Variants in MCPH1 observed in about 807,000 individuals in gnomAD.
MCPH1 encodes the protein microcephalin.
MCPH1 carries 104 observed loss-of-function variants against 84.5 expected under a neutral mutation model. That is an observed-to-expected ratio of 1.23 (90% CI 1.05 to 1.45). The LOEUF is 1.45. Among genes scored for constraint, MCPH1 ranks in the 40% most tolerant of loss-of-function variants. The pLI is 0.00. For missense variants in MCPH1, 1,498 were observed against 1,005.7 expected (o/e 1.49, Z -6.62); for synonymous variants, 514 against 366.8 (o/e 1.40, Z -4.58).
At chr8:6,430,554 C>T (rs571564910) in intron 3 of MCPH1, among the ~76,000 whole-genome samples, 20 of 152,296 alleles carry the variant, frequency 1.3e-4, no homozygotes, top group African/African-American at 4.6e-4. Context: ...CTGAAACTTC[C>T]TTTATTCCTA....
chr8:6,646,349 A>G lies in MCPH1; in HGVS notation c.*3300A>G, dbSNP rs7838511. On this transcript the variant is annotated 3_prime_UTR_variant, in exon 14 of 14. Transcript: ENST00000344683. ...GCTGAAGCAGAATAGCTTGAACCCA[A>G]GAGAGTCCAGCTCAAAAACAACAAC... 0.17 allele frequency: 26,476 copies of G among 152,208 alleles called. 2,655 individuals carry two copies. Among genetic ancestry groups the G allele is most frequent in the Non-Finnish European group, 0.23 (15,682 of 68,004 alleles). 9.4% of individuals were successfully genotyped at this position (152,208 alleles called of 1,614,324 possible).
intron 3 of MCPH1, among the ~76,000 whole-genome samples, chr8:6,418,591 AT>A (rs1295891584): frequency 2.0e-5 from 3 of 149,036 alleles, no homozygotes; most frequent in African/African-American, 2.5e-5. Flanking sequence ...TTATTTTATC[AT>A]TTTTTTTTTG....
At chr8:6,464,081 A>G (rs1806575477) in intron 9 of MCPH1, among the ~76,000 whole-genome samples, 1 of 152,214 alleles carries the variant, frequency 6.6e-6, no homozygotes, top group South Asian at 2.1e-4. Flanking sequence ...GTAAATATCC[A>G]TGTAAATCAT....
intron 4 of MCPH1, among the ~76,000 whole-genome samples, chr8:6,433,997 T>G (rs1404459760): frequency 2.0e-5 from 3 of 152,106 alleles, no homozygotes; most frequent in Non-Finnish European, 4.4e-5. Context: ...CCCAAAATCC[T>G]TACACATGAC....
intron 12 of MCPH1, among the ~76,000 whole-genome samples, chr8:6,504,936 T>C (rs931549421): frequency 1.3e-5 from 2 of 151,998 alleles, no homozygotes; most frequent in Non-Finnish European, 2.9e-5. Flanking sequence ...TGATTTTACA[T>C]ATGTTAAACT....
chr8:6,607,638 C>A, intron 12 of MCPH1, among the ~76,000 whole-genome samples: 1 of 152,210 alleles, frequency 6.6e-6, no homozygotes, highest in East Asian at 1.9e-4. Flanking sequence ...GGGAGATAAT[C>A]GAATCATGGG....
At chr8:6,537,655 A>G (rs1011214957) in intron 12 of MCPH1, among the ~76,000 whole-genome samples, 4 of 152,060 alleles carry the variant, frequency 2.6e-5, no homozygotes, top group African/African-American at 9.7e-5. Context: ...TTGACAGGAA[A>G]AATAGGTCCA....
intron 12 of MCPH1, among the ~76,000 whole-genome samples, chr8:6,567,689 G>A (rs1826312859): frequency 1.3e-5 from 2 of 152,158 alleles, no homozygotes; most frequent in Admixed American, 1.3e-4. Flanking sequence ...TGCAAAGCCT[G>A]GAGTTGTGGG....
At chr8:6,437,212 C>G (rs1802780029) in intron 5 of MCPH1, among the ~76,000 whole-genome samples, 1 of 151,960 alleles carries the variant, frequency 6.6e-6, no homozygotes, top group African/African-American at 2.4e-5. Context: ...TGAAATTATT[C>G]AAATAGAATT....
intron 11 of MCPH1, chr8:6,494,458 C>T (rs1281362059): frequency 6.6e-6 from 1 of 152,122 alleles, no homozygotes; most frequent in Non-Finnish European, 1.5e-5. Context: ...GCTGTGTAAC[C>T]TTGGGTAAGG....
At chr8:6,452,640 G>A (rs1394655264) in intron 8 of MCPH1, among the ~76,000 whole-genome samples, 1 of 152,244 alleles carries the variant, frequency 6.6e-6, no homozygotes, top group African/African-American at 2.4e-5. Context: ...AGGTCTTGAA[G>A]ATGGGGGCTT....
At chr8:6,563,009 G>A (rs1250200925) in intron 12 of MCPH1, 3 of 1,481,420 alleles carry the variant, frequency 2.0e-6, no homozygotes, top group African/African-American at 1.4e-5. Context: ...AGCTGCTGCC[G>A]TCTAAAACGC....
At chr8:6,537,198 C>A (rs1217123844) in intron 12 of MCPH1, among the ~76,000 whole-genome samples, 1 of 152,118 alleles carries the variant, frequency 6.6e-6, no homozygotes, top group African/African-American at 2.4e-5. Context: ...GAATGTTTGC[C>A]ATCGCCTTCA....
intron 12 of MCPH1, among the ~76,000 whole-genome samples, chr8:6,585,268 G>T (rs892552546): frequency 6.6e-6 from 1 of 152,228 alleles, no homozygotes; most frequent in African/African-American, 2.4e-5. Context: ...GACACCACAA[G>T]CATATTACAC....
At chr8:6,446,859 G>A (rs1353321328) in intron 8 of MCPH1, 1 of 985,030 alleles carries the variant, frequency 1.0e-6, no homozygotes, top group East Asian at 1.1e-4. Context: ...AAGCAGGTGT[G>A]TTATGTTCTA....
At chr8:6,423,482 T>A (rs1800573622) in intron 3 of MCPH1, among the ~76,000 whole-genome samples, 1 of 152,194 alleles carries the variant, frequency 6.6e-6, no homozygotes. Context: ...TTTAGTCAAC[T>A]TTTTATTACA....
intron 2 of MCPH1, among the ~76,000 whole-genome samples, chr8:6,410,030 C>G (rs1006531054): frequency 6.6e-6 from 1 of 151,612 alleles, no homozygotes; most frequent in Non-Finnish European, 1.5e-5. Flanking sequence ...AGTGCAGTGA[C>G]GCGATCTCAG....
intron 3 of MCPH1, among the ~76,000 whole-genome samples, chr8:6,429,383 C>A (rs1447952642): frequency 6.6e-6 from 1 of 152,020 alleles, no homozygotes; most frequent in Non-Finnish European, 1.5e-5. Context: ...AGCCTTCCAC[C>A]CTCTGCCCTC....
intron 12 of MCPH1, among the ~76,000 whole-genome samples, chr8:6,504,880 A>G (rs1222972426): frequency 6.6e-6 from 1 of 152,096 alleles, no homozygotes; most frequent in African/African-American, 2.4e-5. Context: ...TTTGCTGGAC[A>G]TCTTGGAATG....
Sources: gnomAD v4.1 joint callset for allele counts (sites outside exome capture counted in the v4.1 genomes callset) on GRCh38, gnomAD v4.1.1 for gene constraint, MANE v1.5 for transcripts, NCBI Gene and HGNC (gene_info 2026-07-23, HGNC 2026-07-21) for gene names.